Variants in LRRFIP2 observed in about 807,000 individuals in gnomAD.
LRRFIP2 encodes the protein LRR binding FLII interacting protein 2.
LRRFIP2 carries 109 observed loss-of-function variants against 125.9 expected under a neutral mutation model. That is an observed-to-expected ratio of 0.87 (90% confidence interval 0.74 to 1.01). The LOEUF (loss-of-function observed/expected upper bound fraction) is 1.01. Among genes scored for constraint, LRRFIP2 ranks in the 50% least tolerant of loss-of-function variants. The pLI is 0.00. For synonymous variants in LRRFIP2, 291 were observed against 293.1 expected (o/e 0.99, Z 0.07); for missense variants, 850 against 862.3 (o/e 0.99, Z 0.18).
At chr3:37,094,488 T>C (rs1320160208) in intron 17 of LRRFIP2, among the ~76,000 whole-genome samples, 1 of 152,212 alleles carries the variant, frequency 6.6e-6, no homozygotes, top group East Asian at 1.9e-4. Context: ...ATTTAAAACA[T>C]GGCCAGTTGT....
intron 1 of LRRFIP2, chr3:37,170,804 T>G (rs1300513240): frequency 6.6e-6 from 1 of 152,252 alleles, no homozygotes; most frequent in Non-Finnish European, 1.5e-5. Flanking sequence ...ACGGGCGCAG[T>G]GGCTCATGCT....
chr3:37,160,108 T>C (rs1284276916), intron 1 of LRRFIP2, among the ~76,000 whole-genome samples: 2 of 150,194 alleles, frequency 1.3e-5, no homozygotes, highest in African/African-American at 2.4e-5. Flanking sequence ...CTTCATCTCC[T>C]ATTCTCCAGG....
rs2088421865 is a variant in LRRFIP2 at position 37,060,835 on chromosome 3, T to C, written c.1750-1925A>G. 6.6e-6 allele frequency among the ~76,000 whole-genome samples: 1 copy of C among 152,202 alleles called. No homozygotes were observed. Among genetic ancestry groups the C allele is most frequent in the Non-Finnish European group, 1.5e-5 (1 of 68,026 alleles). ...CACTCCCTCTAGACTATTCCTGTCT[T>C]AATTTTTGGCAATTTCAATGTACAT... On this transcript the variant is annotated intron_variant, in intron 24 of 27. Transcript: ENST00000336686. The surrounding 1 kb of genome is among the most constrained non-coding windows in gnomAD (Gnocchi z 4.1).
At chr3:37,094,357 A>G (rs1245205640) in intron 17 of LRRFIP2, among the ~76,000 whole-genome samples, 1 of 152,192 alleles carries the variant, frequency 6.6e-6, no homozygotes, top group East Asian at 1.9e-4. Flanking sequence ...CCCAAATATT[A>G]TTACACTTCT....
chr3:37,151,599 CTT>C (rs796655140), intron 1 of LRRFIP2, among the ~76,000 whole-genome samples: 4 of 139,304 alleles, frequency 2.9e-5, no homozygotes, highest in Non-Finnish European at 1.6e-5. Flanking sequence ...TTTTTTTTTT[CTT>C]TTTTTTTTTT....
At chr3:37,108,025 G>C in intron 13 of LRRFIP2, 48 bp downstream of exon 13, 1 of 1,495,522 alleles carries the variant, frequency 6.7e-7, no homozygotes, top group African/African-American at 1.4e-5. Context: ...ACAGATTAAC[G>C]CAACAATCAA....
At chr3:37,143,772 C>T (rs796863485) in intron 2 of LRRFIP2, 25 of 171,466 alleles carry the variant, frequency 1.5e-4, no homozygotes, top group African/African-American at 5.0e-4. Context: ...TTGGAAGGCA[C>T]CACATTGTAT....
chr3:37,156,556 C>A (rs1385762781), intron 1 of LRRFIP2, among the ~76,000 whole-genome samples: 2 of 150,760 alleles, frequency 1.3e-5, no homozygotes, highest in Non-Finnish European at 3.0e-5. Flanking sequence ...CGCCTGTAGT[C>A]CCAGCTACTC....
chr3:37,077,618 G>A (rs2092226276), intron 19 of LRRFIP2, among the ~76,000 whole-genome samples: 1 of 152,124 alleles, frequency 6.6e-6, no homozygotes, highest in Non-Finnish European at 1.5e-5. Context: ...TAGAGACAGA[G>A]ACAGGGATAG....
chr3:37,165,805 G>GA (rs71091698), intron 1 of LRRFIP2, among the ~76,000 whole-genome samples: 2 of 106,398 alleles, frequency 1.9e-5, no homozygotes, highest in South Asian at 3.2e-4. Flanking sequence ...GAGAAAGAAA[G>GA]AAAGAAAGAA....
intron 6 of LRRFIP2, 118 bp from the exon 7 acceptor site, chr3:37,115,213 A>G (rs1160376432): frequency 3.0e-6 from 2 of 661,982 alleles, no homozygotes; most frequent in Non-Finnish European, 5.2e-6. Context: ...ATAAAAAATT[A>G]TTAAACATGA....
intron 1 of LRRFIP2, among the ~76,000 whole-genome samples, chr3:37,156,957 C>T (rs918270707): frequency 6.6e-6 from 1 of 151,752 alleles, no homozygotes; most frequent in Admixed American, 6.6e-5. Context: ...TGGAGAAACC[C>T]TATCTCTACT....
intron 25 of LRRFIP2, among the ~76,000 whole-genome samples, chr3:37,057,349 T>A (rs1329017072): frequency 6.6e-6 from 1 of 152,174 alleles, no homozygotes; most frequent in Non-Finnish European, 1.5e-5. Context: ...TGTAGTAGCT[T>A]CCTAACTAGT....
At chr3:37,071,475 C>T (rs76016104) in intron 21 of LRRFIP2, among the ~76,000 whole-genome samples, 7,552 of 152,028 alleles carry the variant, frequency 0.05, 283 homozygotes, top group African/African-American at 0.1. Context: ...AGCGATCCTC[C>T]GTGCTAGGAT....
intron 1 of LRRFIP2, among the ~76,000 whole-genome samples, chr3:37,151,985 A>G (rs1381828567): frequency 6.6e-6 from 1 of 152,200 alleles, no homozygotes; most frequent in Non-Finnish European, 1.5e-5. Flanking sequence ...AAGGAAAAGA[A>G]GTTATTATAT....
At chr3:37,062,218 A>G (rs1288720862) in intron 24 of LRRFIP2, among the ~76,000 whole-genome samples, 2 of 152,202 alleles carry the variant, frequency 1.3e-5, no homozygotes, top group Non-Finnish European at 2.9e-5. Context: ...CTTCTAACAT[A>G]TCATATAATA....
chr3:37,106,077 A>G (rs1276054838), intron 13 of LRRFIP2, among the ~76,000 whole-genome samples: 1 of 152,282 alleles, frequency 6.6e-6, no homozygotes, highest in Non-Finnish European at 1.5e-5. Flanking sequence ...AAAATTAAAG[A>G]AGGGGAGGTG....
intron 19 of LRRFIP2, among the ~76,000 whole-genome samples, chr3:37,081,924 GA>G (rs1227395560): frequency 6.8e-6 from 1 of 146,146 alleles, no homozygotes; most frequent in African/African-American, 2.5e-5. Flanking sequence ...ACAAGATTAA[GA>G]AAACAACTCT....
rs374926453 is a variant in LRRFIP2, at chr3:37,060,109, G to A, written c.1750-1199C>T. Among the ~76,000 whole-genome samples the A allele has an allele frequency of 3.9e-5, 6 of 151,994 alleles. No individual in the cohort carries two copies. The highest frequency in any genetic ancestry group is 1.9e-4 in the East Asian group (1 of 5,180). ...CAGTCTTCCTCACAAGGGTCTGTAC[G>A]ACCACTAACCTTCATCTCCTAACCT... On this transcript the variant is annotated intron_variant, in intron 24 of 27. Coordinates refer to ENST00000336686, the MANE Select transcript of LRRFIP2 (RefSeq NM_006309.4). This position sits in a 1 kb window ranked among gnomAD's most constrained non-coding sequence, Gnocchi z 4.1.
Sources: gnomAD v4.1 joint callset for allele counts (sites outside exome capture counted in the v4.1 genomes callset) on GRCh38, gnomAD v4.1.1 for gene constraint, Gnocchi (gnomAD v3.1) non-coding constraint, MANE v1.5 for transcripts, NCBI Gene and HGNC (gene_info 2026-07-23, HGNC 2026-07-21) for gene names.